The following DOCK8 variants were observed in gnomAD, a reference collection of about 807,000 sequenced individuals.
DOCK8 encodes dedicator of cytokinesis 8.
In DOCK8, 141 loss-of-function variants were observed where a neutral mutation model predicts 245.6. The observed-to-expected ratio is 0.57, with a 90% CI of 0.50 to 0.66. The LOEUF is 0.66. Among genes scored for constraint, DOCK8 ranks in the 30% least tolerant of loss-of-function variants. The probability of loss-of-function intolerance (pLI) is 0.00; values close to 1 mark genes in which losing one functional copy is unlikely to be tolerated. For missense variants in DOCK8, 2,965 were observed against 2,603.4 expected (o/e 1.14, Z -3.02); for synonymous variants, 1,168 against 970.2 (o/e 1.20, Z -3.79).
intron 22 of DOCK8, among the ~76,000 whole-genome samples, chr9:382,980 T>G (rs1053715140): frequency 6.6e-6 from 1 of 152,134 alleles, no homozygotes; most frequent in Non-Finnish European, 1.5e-5. Flanking sequence ...ATGCATTTTA[T>G]TTTCAAGGAA....
intron 14 of DOCK8, among the ~76,000 whole-genome samples, chr9:358,680 C>G (rs534347369): frequency 8.6e-5 from 13 of 151,784 alleles, no homozygotes; most frequent in African/African-American, 2.7e-4. Flanking sequence ...GAAACCCTGT[C>G]TCTACTAAAA....
intron 1 of DOCK8, among the ~76,000 whole-genome samples, chr9:259,139 C>T (rs1253901956): frequency 2.0e-5 from 3 of 151,826 alleles, no homozygotes; most frequent in Admixed American, 6.6e-5. Context: ...TGACCCATCT[C>T]GACATAAAAT....
intron 14 of DOCK8, among the ~76,000 whole-genome samples, chr9:344,886 T>C (rs1051157594): frequency 1.3e-5 from 2 of 152,026 alleles, no homozygotes; most frequent in African/African-American, 4.8e-5. Context: ...CCCTTGTCTC[T>C]ACTAAAAATA....
Position 449,767 on chromosome 9 carries a change from T to G in DOCK8, c.5818-17T>G. 1.2e-6 allele frequency: 2 copies of G among 1,612,454 alleles called. No individual in the cohort carries two copies. Among genetic ancestry groups the G allele is most frequent in the Non-Finnish European group, 1.7e-6 (2 of 1,179,986 alleles). ...AGACCAGACAGTGACTTCCCTATGT[T>G]TACGTCTCATGTTCAGTTTGTTTTG... On this transcript the variant is annotated splice_polypyrimidine_tract_variant and intron_variant, in intron 44 of 47. Coordinates refer to ENST00000432829, the MANE Select transcript of DOCK8 (RefSeq NM_203447.4).
At chr9:304,538 C>G (rs2049719922) in intron 4 of DOCK8, 43 bp from the exon 5 acceptor site, 1 of 1,612,664 alleles carries the variant, frequency 6.2e-7, no homozygotes, top group Non-Finnish European at 8.5e-7. Flanking sequence ...TTGCCGCTCT[C>G]TCTCCCTCTT....
chr9:382,459 G>GT (rs1563988405), intron 21 of DOCK8, 54 bp from the exon 22 acceptor site: 2 of 1,610,102 alleles, frequency 1.2e-6, no homozygotes, highest in African/African-American at 2.7e-5. Flanking sequence ...CTTAAACTCA[G>GT]TAAGTAACTC....
At chr9:312,463 A>G (rs1387175535) in intron 6 of DOCK8, 1 of 529,534 alleles carries the variant, frequency 1.9e-6, no homozygotes. Flanking sequence ...GTCTACATGT[A>G]GTAATCACAC....
intron 31 of DOCK8, 108 bp from the exon 32 acceptor site, chr9:420,841 A>G: frequency 6.8e-7 from 1 of 1,470,806 alleles, no homozygotes; most frequent in African/African-American, 1.4e-5. Flanking sequence ...TCAGTGAAGC[A>G]CATGTCAAAC....
At chr9:400,619 A>ACCACCATCACCACCACCT (rs1586914564) in intron 26 of DOCK8, among the ~76,000 whole-genome samples, 2 of 56,096 alleles carry the variant, frequency 3.6e-5, no homozygotes, top group Non-Finnish European at 5.6e-5. Context: ...CACCACCTCC[A>ACCACCATCACCACCACCT]CCACCATCAC....
At chr9:270,323 C>G (rs542190098) in intron 1 of DOCK8, among the ~76,000 whole-genome samples, 2 of 152,204 alleles carry the variant, frequency 1.3e-5, no homozygotes, top group African/African-American at 4.8e-5. Flanking sequence ...TTCTTCCAAT[C>G]TTCTCTCCAT....
rs180726138 is a variant in DOCK8 at position 417,116 on chromosome 9, G to A, written c.3701-952G>A. Among the ~76,000 whole-genome samples, 13 of 152,254 alleles carry A rather than the reference G, an allele frequency of 8.5e-5. 1 individual carries two copies. The highest frequency in any genetic ancestry group is 3.4e-3 in the Middle Eastern group (1 of 294). On this transcript the variant is annotated intron_variant, in intron 29 of 47. Coordinates refer to ENST00000432829, the MANE Select transcript of DOCK8 (RefSeq NM_203447.4). The stretch of plus-strand genomic sequence containing the variant: ...TCAAGACCAGCCTGGCCAACATGGC[G>A]AAACCCTGTCTCCACTAAAAATACA...
intron 9 of DOCK8, among the ~76,000 whole-genome samples, chr9:329,841 A>G (rs2050928350): frequency 6.6e-6 from 1 of 152,216 alleles, no homozygotes; most frequent in African/African-American, 2.4e-5. Flanking sequence ...AAATTTTCAA[A>G]TGTATAAATG....
At chr9:294,285 T>G (rs1463961379) in intron 4 of DOCK8, among the ~76,000 whole-genome samples, 2 of 152,218 alleles carry the variant, frequency 1.3e-5, no homozygotes, top group Non-Finnish European at 2.9e-5. Context: ...TACATGTGTG[T>G]GAATATTTCT....
At position 281,956 on chromosome 9, in the gene DOCK8, C is replaced by T. The variant is rs1429516573; in HGVS notation, c.157-4505C>T. ...AGTGCCAGAACCGTACTCAGTAATG[C>T]TGTCATTGCTGTTGGTGCTTACCAG... On this transcript the variant is annotated intron_variant, in intron 2 of 47. Transcript: ENST00000432829. Among the ~76,000 whole-genome samples, 4 of 152,200 alleles carry T rather than the reference C, an allele frequency of 2.6e-5. No individual in the cohort carries two copies. In the East Asian group the frequency reaches 7.7e-4, roughly 29 times the overall value.
intron 6 of DOCK8, among the ~76,000 whole-genome samples, chr9:316,767 A>G (rs2050366223): frequency 1.3e-5 from 2 of 152,202 alleles, no homozygotes; most frequent in East Asian, 3.9e-4. Context: ...GGATGTTACT[A>G]AGCCATATCC....
chr9:461,171 C>G (rs280229), intron 46 of DOCK8, among the ~76,000 whole-genome samples: 1 of 152,304 alleles, frequency 6.6e-6, no homozygotes, highest in South Asian at 2.1e-4. Context: ...ATGATGAGTT[C>G]TAAAGATTTT....
chr9:368,579 C>G lies in DOCK8; in HGVS notation c.1797+444C>G, dbSNP rs756135293. ...AGTGCTGATGAATACAAAGTACCGC[C>G]TAGTAATTATAAACACACACCACCT... On this transcript the variant is annotated intron_variant, in intron 15 of 47. Coordinates refer to ENST00000432829, the MANE Select transcript of DOCK8 (RefSeq NM_203447.4). 2.0e-5 allele frequency: 6 copies of G among 306,540 alleles called. No individual in the cohort carries two copies. The East Asian group carries it at 3.3e-4, about 17-fold the overall frequency. 19.0% of individuals were successfully genotyped at this position (306,540 alleles called of 1,614,324 possible). A position where few individuals can be genotyped will look rare whatever the true frequency, so the allele number is the denominator to read the frequency against.
At chr9:349,388 A>C (rs145883038) in intron 14 of DOCK8, among the ~76,000 whole-genome samples, 1 of 152,376 alleles carries the variant, frequency 6.6e-6, no homozygotes, top group African/African-American at 2.4e-5. Context: ...GATTCATGCA[A>C]CTATTAATGG....
At chr9:408,894 A>G (rs1350112712) in intron 28 of DOCK8, among the ~76,000 whole-genome samples, 2,020 of 130,716 alleles carry the variant, frequency 0.015, 48 homozygotes, top group African/African-American at 0.05. Flanking sequence ...ACACGCACAC[A>G]CGCGCGTGCA....
Sources: allele counts gnomAD v4.1 joint callset (sites outside exome capture counted in the v4.1 genomes callset), GRCh38; gene constraint gnomAD v4.1.1; transcripts MANE v1.5; gene names NCBI Gene and HGNC (gene_info 2026-07-23, HGNC 2026-07-21).